CELF1: variants seen among roughly 807,000 people sequenced by gnomAD.
CELF1 encodes the protein CUGBP Elav-like family member 1.
Under a neutral mutation model 61.8 loss-of-function variants are expected in CELF1, and 10 were observed. That is an observed-to-expected ratio of 0.16 (90% CI 0.10 to 0.27). The LOEUF is 0.27. CELF1 is among the 10% of genes least tolerant of loss of function. The pLI is 1.00. For synonymous variants in CELF1, 236 were observed against 225.1 expected (o/e 1.05, Z -0.43); for missense variants, 380 against 639.1 (o/e 0.59, Z 4.37).
chr11:47,518,353 A>G (rs2095668172), intron 1 of CELF1, among the ~76,000 whole-genome samples: 1 of 152,214 alleles, frequency 6.6e-6, no homozygotes, highest in Non-Finnish European at 1.5e-5. Flanking sequence ...CATTTTCTTC[A>G]ATCAACCTTT....
intron 1 of CELF1, among the ~76,000 whole-genome samples, chr11:47,520,973 C>G (rs924204561): frequency 2.0e-5 from 3 of 152,096 alleles, no homozygotes; most frequent in African/African-American, 7.2e-5. Context: ...ACTAGAGGGC[C>G]GGGCGTGGTG....
chr11:47,491,691 G>A (rs2091540494), intron 3 of CELF1, among the ~76,000 whole-genome samples: 1 of 152,150 alleles, frequency 6.6e-6, no homozygotes, highest in African/African-American at 2.4e-5. Context: ...TTAAAATTAT[G>A]CTTAACACCT....
chr11:47,495,862 T>A (rs2092993198), intron 3 of CELF1: 1 of 409,214 alleles, frequency 2.4e-6, no homozygotes, highest in Admixed American at 6.4e-5. Flanking sequence ...CTGAAACCTT[T>A]CATTATTTTT....
intron 9 of CELF1, among the ~76,000 whole-genome samples, chr11:47,480,011 AAGTCCACAT>A (rs1236760226): frequency 6.6e-6 from 1 of 152,046 alleles, no homozygotes; most frequent in Non-Finnish European, 1.5e-5. Context: ...TGGCTAACTC[AAGTCCACAT>A]AGTCCAGAAA....
intron 1 of CELF1, chr11:47,514,763 T>C (rs982260196): frequency 5.3e-5 from 8 of 150,748 alleles, no homozygotes; most frequent in African/African-American, 1.7e-4. Context: ...GATGCTGAGG[T>C]AGGAAGATTG....
At chr11:47,501,436 C>G (rs2093885679) in intron 1 of CELF1, among the ~76,000 whole-genome samples, 1 of 152,150 alleles carries the variant, frequency 6.6e-6, no homozygotes, top group Non-Finnish European at 1.5e-5. Context: ...GCTGCCTAGA[C>G]CAAAGAATAA....
Position 47,468,765 on chromosome 11 carries a change from A to G in CELF1, c.*3465T>C, listed in dbSNP as rs2077085782. On this transcript the variant is annotated 3_prime_UTR_variant, in exon 15 of 15. Coordinates refer to ENST00000687097, the MANE Select transcript of CELF1 (RefSeq NM_001376376.1). ...CATAATAAAAATACACATCAGCATC[A>G]AAGGTCAACACAAGGTCAAAGGTGA... The G allele has an allele frequency of 6.5e-6, 1 of 152,674 alleles. No individual in the cohort carries two copies. The highest frequency in any genetic ancestry group is 6.5e-5 in the Admixed American group (1 of 15,288). The allele number at this position is 152,674 out of a possible 1,614,324, so 9.5% of individuals were successfully genotyped here.
chr11:47,486,280 C>A (rs1193375193), intron 6 of CELF1, among the ~76,000 whole-genome samples: 4 of 151,592 alleles, frequency 2.6e-5, no homozygotes, highest in Non-Finnish European at 5.9e-5. Flanking sequence ...CTACAATGTT[C>A]TTATAATATT....
chr11:47,515,553 C>T (rs1449315295), intron 1 of CELF1, among the ~76,000 whole-genome samples: 1 of 152,196 alleles, frequency 6.6e-6, no homozygotes, highest in Non-Finnish European at 1.5e-5. Context: ...ATCAGGGCTG[C>T]ACCATATGTT....
chr11:47,491,727 C>G (rs2091555511), intron 3 of CELF1, among the ~76,000 whole-genome samples: 1 of 152,162 alleles, frequency 6.6e-6, no homozygotes, highest in South Asian at 2.1e-4. Flanking sequence ...CTGTATCCAC[C>G]TCTTCCCAAT....
chr11:47,542,042 C>G (rs2096820598), intron 1 of CELF1, among the ~76,000 whole-genome samples: 1 of 151,970 alleles, frequency 6.6e-6, no homozygotes, highest in African/African-American at 2.4e-5. Context: ...AAAAGAAGAC[C>G]TGGAGGTCAT....
intron 3 of CELF1, among the ~76,000 whole-genome samples, chr11:47,489,944 T>TTTTTTTTTTTTTTTG: frequency 8.5e-6 from 1 of 117,274 alleles, no homozygotes; most frequent in Non-Finnish European, 1.8e-5. Flanking sequence ...TGTTTTTTTT[T>TTTTTTTTTTTTTTTG]TTTTTTTTTT....
chr11:47,499,422 A>G (rs771872160), intron 3 of CELF1, 31 bp downstream of exon 3: 16 of 1,500,984 alleles, frequency 1.1e-5, no homozygotes, highest in Non-Finnish European at 1.3e-5. Flanking sequence ...TCCTCTGCTT[A>G]TGATAAAAAT....
intron 2 of CELF1, among the ~76,000 whole-genome samples, chr11:47,558,512 ATAAT>A (rs1173986750): frequency 3.3e-5 from 4 of 121,180 alleles, no homozygotes; most frequent in East Asian, 2.0e-4. Flanking sequence ...TATTATATAA[ATAAT>A]ATATGTATAT....
At chr11:47,537,714 A>G (rs2096665201) in intron 1 of CELF1, among the ~76,000 whole-genome samples, 1 of 152,150 alleles carries the variant, frequency 6.6e-6, no homozygotes, top group Non-Finnish European at 1.5e-5. Flanking sequence ...TTAATACTGA[A>G]CTGTTCCAAA....
At chr11:47,528,481 T>C (rs902348240) in intron 1 of CELF1, among the ~76,000 whole-genome samples, 2 of 152,116 alleles carry the variant, frequency 1.3e-5, no homozygotes, top group African/African-American at 4.8e-5. Context: ...CCAGGCACAG[T>C]GGCTCACATC....
At chr11:47,509,185 T>C (rs1435750317) in intron 1 of CELF1, among the ~76,000 whole-genome samples, 3 of 152,228 alleles carry the variant, frequency 2.0e-5, no homozygotes, top group Non-Finnish European at 4.4e-5. Flanking sequence ...AAGAGCTGAA[T>C]GGAAACTAAA....
chr11:47,472,967 T>TG, intron 14 of CELF1, 121 bp downstream of exon 14: 1 of 1,109,754 alleles, frequency 9.0e-7, no homozygotes, highest in Non-Finnish European at 1.3e-6. Context: ...CATAATGACC[T>TG]GCCCATGGCC....
At chr11:47,554,662 A>AG (rs1253196213), upstream of CELF1, among the ~76,000 whole-genome samples, 2 of 132,306 alleles carry the variant, frequency 1.5e-5, no homozygotes, top group Non-Finnish European at 3.4e-5. Context: ...TATCTAACAC[A>AG]GTTTTTTTTT....
Sources: gnomAD v4.1 joint callset for allele counts (sites outside exome capture counted in the v4.1 genomes callset) on GRCh38, gnomAD v4.1.1 for gene constraint, MANE v1.5 for transcripts, NCBI Gene and HGNC (gene_info 2026-07-23, HGNC 2026-07-21) for gene names.